Variants in ACBD4 observed in about 807,000 individuals in gnomAD.
ACBD4 encodes acyl-CoA binding domain containing 4.
Under a neutral mutation model 46.0 loss-of-function variants are expected in ACBD4, and 41 were observed. The observed-to-expected ratio is 0.89, with a 90% CI of 0.69 to 1.16. The LOEUF is 1.16. Ranked by LOEUF, ACBD4 falls within the 50% of genes most tolerant of loss-of-function variation. The pLI, the probability that ACBD4 is intolerant of heterozygous loss-of-function variation, is 0.00. For missense variants in ACBD4, 393 were observed against 399.5 expected (o/e 0.98, Z 0.14); for synonymous variants, 162 against 155.9 (o/e 1.04, Z -0.29).
At chr17:45,137,580 C>T (rs1017660765) in intron 6 of ACBD4, 126 bp downstream of exon 6, 9 of 1,365,370 alleles carry the variant, frequency 6.6e-6, no homozygotes, top group African/African-American at 4.3e-5. Context: ...AGGTGGGGAC[C>T]GGGGTCTAGG....
upstream of ACBD4, among the ~76,000 whole-genome samples, chr17:45,133,892 C>G (rs2054623594): frequency 6.6e-6 from 1 of 152,136 alleles, no homozygotes; most frequent in East Asian, 1.9e-4. Context: ...GTTCCTTCCT[C>G]CAGAAACAAC....
intron 9 of ACBD4, 78 bp downstream of exon 9, chr17:45,139,238 G>A: frequency 1.3e-6 from 2 of 1,513,270 alleles, no homozygotes; most frequent in Non-Finnish European, 1.8e-6. Context: ...AGCCACTTTT[G>A]TTTTTGTCCT....
chr17:45,135,165 T>C (rs1200405865), upstream of ACBD4, among the ~76,000 whole-genome samples: 3 of 152,066 alleles, frequency 2.0e-5, no homozygotes, highest in African/African-American at 7.2e-5. Context: ...GGGGTTTCAC[T>C]ATGTTGGCCC....
chr17:45,136,085 C>T (rs1405291955), intron 1 of ACBD4, 23 bp from the exon 2 acceptor site: 18 of 1,580,642 alleles, frequency 1.1e-5, no homozygotes, highest in Admixed American at 1.7e-5. Context: ...GAGGCCCCCT[C>T]ACACGAAGGC....
At chr17:45,136,845 C>T in intron 4 of ACBD4, 69 bp downstream of exon 4, 1 of 1,598,490 alleles carries the variant, frequency 6.3e-7, no homozygotes. Flanking sequence ...TTCTGACCCC[C>T]ACTACGTTTC....
chr17:45,143,377 G>A, intron 9 of ACBD4, 66 bp from the exon 10 acceptor site: 1 of 1,336,400 alleles, frequency 7.5e-7, no homozygotes, highest in Non-Finnish European at 1.0e-6. Context: ...TGAATTGGAA[G>A]CAGGTTCCTA....
Position 45,137,001 on chromosome 17 carries a change from A to G in ACBD4, c.295-18A>G. 6.2e-7 allele frequency: 1 copy of G among 1,614,020 alleles called. No individual in the cohort carries two copies. On this transcript the variant is annotated intron_variant, in intron 4 of 9. Transcript: ENST00000321854. ...GACAGGAGGCCACTCCGTCCCCAAC[A>G]GACCCCCTCCCCTACAGGTGATCGA...
At chr17:45,132,069 G>T (rs1192124231), upstream of ACBD4, among the ~76,000 whole-genome samples, 3 of 152,280 alleles carry the variant, frequency 2.0e-5, no homozygotes, top group East Asian at 3.9e-4. This position sits in a 1 kb window ranked among gnomAD's most constrained non-coding sequence, Gnocchi z 4.6. Flanking sequence ...GCTCGCCCCG[G>T]GACCCTCGGA....
rs1315149497 is a variant in ACBD4, at chr17:45,136,094, G to A, written c.-37-14G>A. The stretch of plus-strand genomic sequence containing the variant: ...ACCCTGGAGGCCCCCTCACACGAAG[G>A]CTGCTTCTTGCAGAGTCGCTCAAAA... On this transcript the variant is annotated splice_polypyrimidine_tract_variant and intron_variant, in intron 1 of 9. Transcript: ENST00000321854. 5 of 1,597,212 alleles carry A rather than the reference G, an allele frequency of 3.1e-6. No homozygotes were observed. In the East Asian group the frequency reaches 8.9e-5, roughly 29 times the overall value.
upstream of ACBD4, among the ~76,000 whole-genome samples, chr17:45,133,520 C>CTTTTTTTTTT (rs10569248): frequency 1.4e-5 from 1 of 73,802 alleles, no homozygotes; most frequent in Non-Finnish European, 2.5e-5. Context: ...CCTGAATTTT[C>CTTTTTTTTTT]TTTTTTTTTT....
rs1176977698 is a variant in ACBD4, at chr17:45,136,810, TG to T, written c.294+36del. ...TGCAGGTTCTCTGTCCCCAGGCTCC[TG>T]GCCAGGTGGCCTCACCCTTCCAGTT... On this transcript the variant is annotated intron_variant, in intron 4 of 9. Coordinates refer to ENST00000321854, the MANE Select transcript of ACBD4 (RefSeq NM_001135705.3). 1.9e-6 allele frequency: 3 copies of T among 1,611,438 alleles called. No individual in the cohort carries two copies. The African/African-American group carries it at 4.0e-5, about 22-fold the overall frequency.
chr17:45,134,814 A>C (rs2054699041), upstream of ACBD4, among the ~76,000 whole-genome samples: 1 of 152,076 alleles, frequency 6.6e-6, no homozygotes, highest in East Asian at 1.9e-4. Context: ...CAAAATAAAA[A>C]GATACAATAA....
intron 2 of ACBD4, 81 bp downstream of exon 2, chr17:45,136,313 C>T: frequency 6.3e-7 from 1 of 1,578,300 alleles, no homozygotes; most frequent in Non-Finnish European, 8.7e-7. Context: ...GTCCTGATCA[C>T]TGCAGTTTTT....
At position 45,143,863 on chromosome 17, in the gene ACBD4, T is replaced by G. The variant is rs1034951916; in HGVS notation, c.*292T>G. Reference sequence around the variant, plus strand: ...GACTCGGGGGCGGGGCGATCGGGTCTCAGCCCCTGCCTTCCCCAGTCTCTG... The same window carrying G: ...GACTCGGGGGCGGGGCGATCGGGTCGCAGCCCCTGCCTTCCCCAGTCTCTG... On this transcript the variant is annotated 3_prime_UTR_variant, in exon 10 of 10. Coordinates refer to ENST00000321854, the MANE Select transcript of ACBD4 (RefSeq NM_001135705.3). 2 of 470,306 alleles carry G rather than the reference T, an allele frequency of 4.3e-6. No individual in the cohort carries two copies. The highest frequency in any genetic ancestry group is 7.6e-5 in the Admixed American group (2 of 26,174). 29.1% of individuals were successfully genotyped at this position (470,306 alleles called of 1,614,324 possible).
chr17:45,140,525 G>A (rs188575659), intron 9 of ACBD4, among the ~76,000 whole-genome samples: 5 of 146,856 alleles, frequency 3.4e-5, no homozygotes, highest in Admixed American at 3.4e-4. Context: ...AAATGTTGAA[G>A]ATTTTAAAGT....
At position 45,136,739 on chromosome 17, in the gene ACBD4, C is replaced by G. The variant is rs1401615569; in HGVS notation, c.257C>G (p.Ser86Cys). The G allele has an allele frequency of 5.0e-6, 8 of 1,613,822 alleles. No individual in the cohort carries two copies. The East Asian group carries it at 1.8e-4, about 36-fold the overall frequency. Residue 86 changes from serine to cysteine, a missense_variant, in exon 4 of 10, where the codon TCT becomes TGT. Around this residue, in one of 3 missense-constraint regions of ACBD4, gnomAD observed 308 missense variants for 301.8 expected, o/e 1.02. Coordinates refer to ENST00000321854, the MANE Select transcript of ACBD4 (RefSeq NM_001135705.3). ...AAGATGAGCAGGGAGGAGGCCATGT[C>G]TGCCTACATCACTGAAATGAAACTG... ...LGKMSREEAM[S>C]AYITEMKLVA... is the part of the protein sequence containing the mutation.
At chr17:45,133,066 G>T (rs2054538242), upstream of ACBD4, 1 of 152,510 alleles carries the variant, frequency 6.6e-6, no homozygotes, top group African/African-American at 2.4e-5. Flanking sequence ...CACAGTCTCG[G>T]AGCTGACGGA....
At chr17:45,132,344 C>A, upstream of ACBD4, 1 of 1,232,704 alleles carries the variant, frequency 8.1e-7, no homozygotes, top group Non-Finnish European at 1.0e-6. This position sits in a 1 kb window ranked among gnomAD's most constrained non-coding sequence, Gnocchi z 4.6. Flanking sequence ...ACTTGGGCTG[C>A]GACCTGGGCG....
At chr17:45,136,808 C>T (rs2054872170) in intron 4 of ACBD4, 32 bp downstream of exon 4, 1 of 1,611,932 alleles carries the variant, frequency 6.2e-7, no homozygotes, top group East Asian at 2.2e-5. Flanking sequence ...TCCCCAGGCT[C>T]CTGGCCAGGT....
Sources: allele counts gnomAD v4.1 joint callset (sites outside exome capture counted in the v4.1 genomes callset), GRCh38; gene constraint gnomAD v4.1.1; regional missense constraint gnomAD v4.1.1; non-coding constraint Gnocchi (gnomAD v3.1); transcripts MANE v1.5; gene names NCBI Gene and HGNC (gene_info 2026-07-23, HGNC 2026-07-21).